SLAMF6: variants seen among roughly 807,000 people sequenced by gnomAD.
SLAMF6 encodes NK-T-B-antigen.
In SLAMF6, 21 loss-of-function variants were observed where a neutral mutation model predicts 38.3. The observed-to-expected ratio is 0.55, with a 90% CI of 0.39 to 0.79. The LOEUF is 0.79. Among genes scored for constraint, SLAMF6 ranks in the 30% least tolerant of loss-of-function variants. The pLI is 0.00. For missense variants in SLAMF6, 341 were observed against 385.3 expected (o/e 0.89, Z 0.96); for synonymous variants, 152 against 146.3 (o/e 1.04, Z -0.28).
At chr1:160,497,971 T>TCTATTTTC (rs1381652955) in intron 1 of SLAMF6, among the ~76,000 whole-genome samples, 1 of 152,204 alleles carries the variant, frequency 6.6e-6, no homozygotes, top group Non-Finnish European at 1.5e-5. Context: ...GGTATAATGA[T>TCTATTTTC]CTATTTTCCT....
chr1:160,516,705 G>A (rs1654760734), intron 1 of SLAMF6, among the ~76,000 whole-genome samples: 1 of 151,964 alleles, frequency 6.6e-6, no homozygotes, highest in South Asian at 2.1e-4. Context: ...AAATAAGACT[G>A]CACATCTACC....
chr1:160,499,041 G>T lies in SLAMF6; in HGVS notation c.50-2648C>A, dbSNP rs545124948. Among the ~76,000 whole-genome samples, 88 of 152,232 alleles carry T rather than the reference G, an allele frequency of 5.8e-4. 1 individual carries two copies. Among genetic ancestry groups the T allele is most frequent in the African/African-American group, 2.0e-3 (83 of 41,532 alleles). On this transcript the variant is annotated intron_variant, in intron 1 of 7. Transcript: ENST00000368057. Reference sequence around the variant, plus strand: ...GTTTACGGTAATGATAGTTTCTTTTGCTGTGCAGAAGCTCTATAGTTTACT... The same window carrying T: ...GTTTACGGTAATGATAGTTTCTTTTTCTGTGCAGAAGCTCTATAGTTTACT...
At position 160,486,743 on chromosome 1, in the gene SLAMF6, A is replaced by C; in HGVS notation, c.963T>G (p.Thr321=). The change falls in exon 8 of 8, where the codon ACT becomes ACG. Residue 321 remains threonine, a synonymous_variant. Coordinates refer to ENST00000368057, the MANE Select transcript of SLAMF6 (RefSeq NM_001184714.2). ...TGTCAAGGGCAGTTGCCCTGGAAAA[A>C]GTGGGTTTACTCTGTGGGAAAAAGA... is the stretch of plus-strand genomic sequence containing the variant. The part of the protein sequence containing the change: ...TINHSKESKP[T]FSRATALDNV... 1 of 1,613,852 alleles carries C rather than the reference A, an allele frequency of 6.2e-7. No homozygotes were observed. Among genetic ancestry groups the C allele is most frequent in the Non-Finnish European group, 8.5e-7 (1 of 1,179,834 alleles).
At chr1:160,494,462 T>A (rs1356035162) in intron 2 of SLAMF6, among the ~76,000 whole-genome samples, 1 of 152,192 alleles carries the variant, frequency 6.6e-6, no homozygotes, top group Non-Finnish European at 1.5e-5. Context: ...TGATTCTGCC[T>A]GTAGTGGGTT....
chr1:160,508,490 C>T (rs1472939391), intron 1 of SLAMF6, among the ~76,000 whole-genome samples: 1 of 152,138 alleles, frequency 6.6e-6, no homozygotes, highest in Non-Finnish European at 1.5e-5. Flanking sequence ...CTTCCTTACA[C>T]CTTATACAGA....
intron 5 of SLAMF6, 22 bp from the exon 6 acceptor site, chr1:160,489,192 G>A: frequency 6.2e-7 from 1 of 1,613,542 alleles, no homozygotes; most frequent in Non-Finnish European, 8.5e-7. Flanking sequence ...GGAAGGCACA[G>A]TCAATGGCAC....
chr1:160,490,707 G>T, intron 3 of SLAMF6, 22 bp from the exon 4 acceptor site: 1 of 1,609,470 alleles, frequency 6.2e-7, no homozygotes, highest in Non-Finnish European at 8.5e-7. Context: ...AAAAAGAAAT[G>T]ACATTTGAGA....
chr1:160,488,163 C>T (rs1453530966), intron 6 of SLAMF6, among the ~76,000 whole-genome samples: 1 of 150,902 alleles, frequency 6.6e-6, no homozygotes, highest in Non-Finnish European at 1.5e-5. Context: ...CTCCAAAGCA[C>T]ATTTTTTTTT....
At chr1:160,490,467 T>C (rs1232560729) in intron 4 of SLAMF6, 108 bp downstream of exon 4, 9 of 1,467,296 alleles carry the variant, frequency 6.1e-6, no homozygotes, top group Non-Finnish European at 8.3e-6. Context: ...GTTTGCAGCC[T>C]CCCTCCCTCC....
intron 1 of SLAMF6, among the ~76,000 whole-genome samples, chr1:160,509,653 TA>T (rs1257757043): frequency 1.3e-5 from 2 of 151,744 alleles, no homozygotes; most frequent in Non-Finnish European, 2.9e-5. Flanking sequence ...TAAAGTATAT[TA>T]AAAAAATAAA....
intron 1 of SLAMF6, among the ~76,000 whole-genome samples, chr1:160,508,458 G>T (rs553489043): frequency 6.6e-6 from 1 of 152,318 alleles, no homozygotes; most frequent in Admixed American, 6.5e-5. Flanking sequence ...CTAGCCATAT[G>T]TAGAAAGCTG....
chr1:160,504,381 A>G (rs1322787879), intron 1 of SLAMF6, among the ~76,000 whole-genome samples: 2 of 151,920 alleles, frequency 1.3e-5, no homozygotes, highest in Non-Finnish European at 2.9e-5. Context: ...TGTACAGCTT[A>G]GATATACACA....
chr1:160,503,271 G>A (rs1271627515), intron 1 of SLAMF6, among the ~76,000 whole-genome samples: 8 of 152,116 alleles, frequency 5.3e-5, no homozygotes, highest in South Asian at 4.1e-4. Context: ...TGAGGAATTT[G>A]TTAGGAAACT....
intron 1 of SLAMF6, among the ~76,000 whole-genome samples, chr1:160,514,835 C>T (rs1326527194): frequency 6.6e-6 from 1 of 152,178 alleles, no homozygotes; most frequent in Non-Finnish European, 1.5e-5. Context: ...GTATCAGAAT[C>T]TCTGGATGCA....
At chr1:160,502,275 T>C (rs1232301501) in intron 1 of SLAMF6, among the ~76,000 whole-genome samples, 1 of 152,212 alleles carries the variant, frequency 6.6e-6, no homozygotes, top group Non-Finnish European at 1.5e-5. Context: ...ATGCCTCATG[T>C]TGGCTACAAC....
chr1:160,510,559 T>G (rs1487803012), intron 1 of SLAMF6, among the ~76,000 whole-genome samples: 1 of 152,092 alleles, frequency 6.6e-6, no homozygotes, highest in African/African-American at 2.4e-5. Context: ...TAAAAACACT[T>G]TAGAATCTAG....
At chr1:160,521,343 C>T (rs1654974315) in intron 1 of SLAMF6, among the ~76,000 whole-genome samples, 1 of 152,122 alleles carries the variant, frequency 6.6e-6, no homozygotes, top group Non-Finnish European at 1.5e-5. Context: ...CTTCTTTCCC[C>T]ATCTGTGAAG....
chr1:160,507,222 A>G (rs544287856), intron 1 of SLAMF6, among the ~76,000 whole-genome samples: 5 of 152,290 alleles, frequency 3.3e-5, no homozygotes, highest in African/African-American at 9.6e-5. Flanking sequence ...AGTAGTAACC[A>G]AAAGAGAGTT....
At chr1:160,504,888 A>C (rs550837268) in intron 1 of SLAMF6, among the ~76,000 whole-genome samples, 1 of 152,220 alleles carries the variant, frequency 6.6e-6, no homozygotes, top group Non-Finnish European at 1.5e-5. Flanking sequence ...AAAAGTTCTG[A>C]GAAGACTCTA....
Sources: gnomAD v4.1 joint callset for allele counts (sites outside exome capture counted in the v4.1 genomes callset) on GRCh38, gnomAD v4.1.1 for gene constraint, MANE v1.5 for transcripts, NCBI Gene and HGNC (gene_info 2026-07-23, HGNC 2026-07-21) for gene names.